The following CAMK4 variants were observed in gnomAD, a reference collection of about 807,000 sequenced individuals.
CAMK4 encodes the protein calcium/calmodulin-dependent protein kinase type IV.
Under a neutral mutation model 44.9 loss-of-function variants are expected in CAMK4, and 22 were observed. The observed-to-expected ratio is 0.49, with a 90% CI of 0.35 to 0.70. The LOEUF is 0.70. Ranked by LOEUF, CAMK4 falls within the 30% of genes least tolerant of loss-of-function variation. CAMK4 has a pLI of 0.01. For missense variants in CAMK4, 498 were observed against 586.8 expected, an observed-to-expected ratio of 0.85 and a Z score of 1.56; for synonymous variants, 218 against 215.4, an observed-to-expected ratio of 1.01 and a Z score of -0.11.
intron 1 of CAMK4, chr5:111,302,071 A>G (rs907062881): frequency 3.3e-5 from 5 of 152,236 alleles, no homozygotes; most frequent in African/African-American, 1.2e-4. Flanking sequence ...TAAGCCTTTC[A>G]GCTACCATTG....
chr5:111,351,595 A>G (rs1750108424), intron 2 of CAMK4, among the ~76,000 whole-genome samples: 1 of 151,086 alleles, frequency 6.6e-6, no homozygotes, highest in Admixed American at 6.6e-5. Context: ...TTTTTTTAGT[A>G]GAGATGGGGT....
chr5:111,263,756 C>G (rs1750103661), intron 1 of CAMK4, among the ~76,000 whole-genome samples: 1 of 152,178 alleles, frequency 6.6e-6, no homozygotes, highest in South Asian at 2.1e-4. Context: ...GCTCTCAAAA[C>G]CCCCAAAATA....
At chr5:111,315,782 A>C (rs1580576613) in intron 1 of CAMK4, among the ~76,000 whole-genome samples, 1 of 152,094 alleles carries the variant, frequency 6.6e-6, no homozygotes, top group African/African-American at 2.4e-5. Context: ...GAAAAGGCTC[A>C]TTCTCAGTTT....
chr5:111,235,333 T>G (rs1273169080), intron 1 of CAMK4, among the ~76,000 whole-genome samples: 1 of 152,136 alleles, frequency 6.6e-6, no homozygotes, highest in East Asian at 1.9e-4. Context: ...ACTGAGAAAA[T>G]AAGACTATGC....
intron 1 of CAMK4, among the ~76,000 whole-genome samples, chr5:111,247,898 C>T (rs1749310853): frequency 6.6e-6 from 1 of 152,132 alleles, no homozygotes; most frequent in African/African-American, 2.4e-5. Flanking sequence ...CAAAGAAGTA[C>T]TGCGAGGTTA....
At chr5:111,326,580 C>CTT (rs34594346) in intron 1 of CAMK4, among the ~76,000 whole-genome samples, 10 of 146,828 alleles carry the variant, frequency 6.8e-5, no homozygotes, top group African/African-American at 2.0e-4. Flanking sequence ...AATCTTCCAC[C>CTT]TTTTTTTTTT....
chr5:111,230,896 A>T (rs1748441649), intron 1 of CAMK4, among the ~76,000 whole-genome samples: 1 of 152,140 alleles, frequency 6.6e-6, no homozygotes, highest in South Asian at 2.1e-4. Context: ...TTGATTTTGT[A>T]AAATTTCAAG....
At chr5:111,363,040 A>G (rs306069) in intron 2 of CAMK4, among the ~76,000 whole-genome samples, 132,370 of 152,104 alleles carry the variant, frequency 0.87, 57,923 homozygotes, top group East Asian at 1. Flanking sequence ...CGGGATTTCT[A>G]TCTGGCAGCT....
Position 111,252,353 on chromosome 5 carries a change from C to T in CAMK4, c.161+27709C>T, listed in dbSNP as rs1749540532. ...TAACCATAAACCATGGGGTGAGTAC[C>T]TTCTTATACATTTTTGTTTAGTATG... On this transcript the variant is annotated intron_variant, in intron 1 of 10. Coordinates refer to ENST00000282356, the MANE Select transcript of CAMK4 (RefSeq NM_001744.6). Among the ~76,000 whole-genome samples the T allele has an allele frequency of 2.0e-5, 3 of 152,150 alleles. No individual in the cohort carries two copies. The South Asian group carries it at 6.2e-4, about 31-fold the overall frequency.
chr5:111,375,001 A>AG (rs5870446), intron 3 of CAMK4, 89 bp downstream of exon 3: 731,949 of 812,996 alleles, frequency 0.9, 330,941 homozygotes, highest in East Asian at 1. Context: ...GATAATGAGA[A>AG]GGGATTCTCC....
intron 2 of CAMK4, among the ~76,000 whole-genome samples, chr5:111,352,422 C>G (rs1281661042): frequency 1.3e-5 from 2 of 151,868 alleles, no homozygotes; most frequent in East Asian, 3.9e-4. Flanking sequence ...TATTTTATAG[C>G]CATTAACAAT....
At chr5:111,294,881 C>T (rs1306487933) in intron 1 of CAMK4, among the ~76,000 whole-genome samples, 2 of 152,124 alleles carry the variant, frequency 1.3e-5, no homozygotes, top group African/African-American at 4.8e-5. Context: ...GCAGATGCTA[C>T]TAAGCTATGT....
intron 2 of CAMK4, among the ~76,000 whole-genome samples, chr5:111,362,701 C>G (rs528354239): frequency 6.6e-6 from 1 of 151,962 alleles, no homozygotes; most frequent in Non-Finnish European, 1.5e-5. Flanking sequence ...CATTAATTCT[C>G]TCTTTGTTAA....
At chr5:111,459,469 C>T (rs1754556386) in intron 7 of CAMK4, among the ~76,000 whole-genome samples, 1 of 152,166 alleles carries the variant, frequency 6.6e-6, no homozygotes, top group African/African-American at 2.4e-5. Context: ...TTATATCACC[C>T]ATTAGGTACA....
At position 111,367,802 on chromosome 5, in the gene CAMK4, C is replaced by T. The variant is rs531579171; in HGVS notation, c.241-7048C>T. 8.5e-5 allele frequency among the ~76,000 whole-genome samples: 13 copies of T among 152,214 alleles called. No individual in the cohort carries two copies. In the East Asian group the frequency reaches 1.7e-3, roughly 20 times the overall value. On this transcript the variant is annotated intron_variant, in intron 2 of 10. Coordinates refer to ENST00000282356, the MANE Select transcript of CAMK4 (RefSeq NM_001744.6). The stretch of plus-strand genomic sequence containing the variant: ...AAATTACTGGGTAGGTGAATTCCCC[C>T]TTCTTCCTTCTTCCTATGGACTTCT...
chr5:111,268,806 A>ATTTAAT (rs1425722178), intron 1 of CAMK4, among the ~76,000 whole-genome samples: 1 of 152,176 alleles, frequency 6.6e-6, no homozygotes, highest in African/African-American at 2.4e-5. Flanking sequence ...CTCCTTCTAT[A>ATTTAAT]CCTGGTAAGG....
intron 1 of CAMK4, among the ~76,000 whole-genome samples, chr5:111,294,382 A>G (rs1747402498): frequency 6.6e-6 from 1 of 152,226 alleles, no homozygotes; most frequent in Non-Finnish European, 1.5e-5. Flanking sequence ...CTTTGCACAT[A>G]CACATGTGCA....
chr5:111,277,270 C>T (rs982728295), intron 1 of CAMK4, among the ~76,000 whole-genome samples: 1 of 152,238 alleles, frequency 6.6e-6, no homozygotes, highest in Non-Finnish European at 1.5e-5. Flanking sequence ...ACACTGGAGT[C>T]TAGTAGGAGC....
chr5:111,274,816 T>G (rs1207266044), intron 1 of CAMK4, among the ~76,000 whole-genome samples: 1 of 152,118 alleles, frequency 6.6e-6, no homozygotes, highest in Non-Finnish European at 1.5e-5. Context: ...GAAAGTACTA[T>G]TGAGTAGGCA....
Sources: allele counts gnomAD v4.1 joint callset (sites outside exome capture counted in the v4.1 genomes callset), GRCh38; gene constraint gnomAD v4.1.1; transcripts MANE v1.5; gene names NCBI Gene and HGNC (gene_info 2026-07-23, HGNC 2026-07-21).